Variants in UPF3B observed in about 807,000 individuals in gnomAD.
The protein encoded by UPF3B is UPF3B regulator of nonsense mediated mRNA decay, also known as regulator of nonsense transcripts 3B.
Under a neutral mutation model 40.3 loss-of-function variants are expected in UPF3B, and 7 were observed. That is an observed-to-expected ratio of 0.17 (90% confidence interval 0.10 to 0.33). The LOEUF is 0.33. Among genes scored for constraint, UPF3B ranks in the 10% least tolerant of loss-of-function variants. The pLI, the probability that UPF3B is intolerant of heterozygous loss-of-function variation, is 1.00. For missense variants in UPF3B, 229 were observed against 358.9 expected (o/e 0.64, Z 2.93); for synonymous variants, 117 against 117.3 (o/e 1.00, Z 0.01).
chrX:119,813,024 T>G (rs973017409), intron 5 of UPF3B, among the ~76,000 whole-genome samples: 5 of 111,658 alleles, frequency 4.5e-5, no homozygotes, highest in Non-Finnish European at 9.4e-5. Flanking sequence ...TCATTTACTT[T>G]CAGTCATTAT....
chrX:119,831,307 C>G (rs1220548562), downstream of UPF3B, among the ~76,000 whole-genome samples: 1 of 108,130 alleles, frequency 9.2e-6, no homozygotes, highest in Non-Finnish European at 1.9e-5. Context: ...TTATCACACA[C>G]CTCTCCTCCT....
downstream of UPF3B, among the ~76,000 whole-genome samples, chrX:119,831,500 G>A (rs1202159135): frequency 9.0e-6 from 1 of 111,060 alleles, no homozygotes; most frequent in Non-Finnish European, 1.9e-5. Flanking sequence ...TGTATTTTTA[G>A]TAGAGACTGA....
chrX:119,851,764 T>TTTTTTTTTTTTTTAAA lies in UPF3B; in HGVS notation c.263+2_263+3insTTTAAAAAAAAAAAAA. 2.1e-6 allele frequency: 2 copies of TTTTTTTTTTTTTTAAA among 968,478 alleles called. No homozygotes were observed. Among genetic ancestry groups the TTTTTTTTTTTTTTAAA allele is most frequent in the East Asian group, 3.2e-5 (1 of 30,947 alleles). The allele number at this position is 968,478 out of a possible 1,213,427, so 79.8% of individuals were successfully genotyped here. A position where few individuals can be genotyped will look rare whatever the true frequency, so the allele number is the denominator to read the frequency against. ...ACCCCTTTCCTTTTTTTTTTTTTTT[T>TTTTTTTTTTTTTTAAA]ACCTCGTATCATTAGAAAAAAACTC... is the stretch of plus-strand genomic sequence containing the variant. On this transcript the variant is annotated splice_region_variant and intron_variant, in intron 2 of 10. Transcript: ENST00000276201.
At chrX:119,844,477 A>G (rs749122907) in intron 4 of UPF3B, among the ~76,000 whole-genome samples, 3 of 112,370 alleles carry the variant, frequency 2.7e-5, no homozygotes, top group Non-Finnish European at 5.6e-5. Flanking sequence ...AAATTTTCCC[A>G]TGACAGTTCA....
chrX:119,845,091 T>C lies in UPF3B; in HGVS notation c.469+107A>G, dbSNP rs577736095. On this transcript the variant is annotated intron_variant, in intron 4 of 10. Coordinates refer to ENST00000276201, the MANE Select transcript of UPF3B (RefSeq NM_080632.3). ...AATAACATTTCTCACTTACTTTATT[T>C]TGTATATTTTCTAATTTAAAATTTT... 8.1e-6 allele frequency: 5 copies of C among 614,431 alleles called. No individual in the cohort carries two copies. The South Asian group carries it at 1.2e-4, about 15-fold the overall frequency. 50.6% of individuals were successfully genotyped at this position (614,431 alleles called of 1,213,427 possible).
rs55712755 is a variant in UPF3B at position 119,851,748 on chromosome X, CTT to C, written c.263+17_263+18del. The C allele has an allele frequency of 0.057, 28,730 of 503,507 alleles. 2 individuals are homozygous for C. The highest frequency in any genetic ancestry group is 0.065 in the Non-Finnish European group (23,982 of 367,271). The allele number at this position is 503,507 out of a possible 1,213,427, so 41.5% of individuals were successfully genotyped here. ...GAAACCTTTTTCATTTACCCCTTTC[CTT>C]TTTTTTTTTTTTTTACCTCGTATCA... On this transcript the variant is annotated intron_variant, in intron 2 of 10. Transcript: ENST00000276201.
chrX:119,807,898 G>A (rs932038050), intron 5 of UPF3B, among the ~76,000 whole-genome samples: 3 of 111,664 alleles, frequency 2.7e-5, no homozygotes, highest in African/African-American at 9.7e-5. Context: ...AGACTCAAGC[G>A]ATCCTCCCAC....
chrX:119,832,660 G>A (rs2056049147), downstream of UPF3B, among the ~76,000 whole-genome samples: 1 of 111,121 alleles, frequency 9.0e-6, no homozygotes, highest in African/African-American at 3.3e-5. Flanking sequence ...TGGCTACCTT[G>A]AATAATGATA....
chrX:119,848,122 G>A (rs2496218), intron 3 of UPF3B, among the ~76,000 whole-genome samples: 5,350 of 107,185 alleles, frequency 0.05, 308 homozygotes, highest in African/African-American at 0.17. Context: ...TTTACCAAAA[G>A]TACAAAAAAA....
In UPF3B at chrX:119,834,998, T is replaced by C; in HGVS notation, c.1332A>G (p.Pro444=). ...AGAGTCGATTTCGGCTTCGAGCTCC[T>C]GGTTGGTAAAGCTGCATCGCTGGAC... is the stretch of plus-strand genomic sequence containing the variant. ...KDRPAMQLYQ[P]GARSRNRLCP... Residue 444 remains proline, a synonymous_variant, in exon 11 of 11, where the codon CCA becomes CCG. Coordinates refer to ENST00000276201, the MANE Select transcript of UPF3B (RefSeq NM_080632.3). 3.3e-6 allele frequency: 4 copies of C among 1,198,351 alleles called. No homozygotes were observed. The highest frequency in any genetic ancestry group is 4.5e-6 in the Non-Finnish European group (4 of 885,863).
Position 119,834,824 on chromosome X carries a change from C to A in UPF3B, c.*54G>T, listed in dbSNP as rs1159669185. The A allele has an allele frequency of 8.3e-7, 1 of 1,208,628 alleles. No homozygotes were observed. Among genetic ancestry groups the A allele is most frequent in the Non-Finnish European group, 1.1e-6 (1 of 895,181 alleles). On this transcript the variant is annotated 3_prime_UTR_variant, in exon 11 of 11. Coordinates refer to ENST00000276201, the MANE Select transcript of UPF3B (RefSeq NM_080632.3). ...CTGAAGGCACCTCTGGATTGCTTAA[C>A]GTGTGCTCTTTGGCTGCCTAGACAG... is the stretch of plus-strand genomic sequence containing the variant.
At chrX:119,827,215 C>A (rs2055987515) in intron 3 of UPF3B, among the ~76,000 whole-genome samples, 1 of 111,208 alleles carries the variant, frequency 9.0e-6, no homozygotes, top group Non-Finnish European at 1.9e-5. Flanking sequence ...GCAACCATTT[C>A]TCTTCAGTAA....
intron 3 of UPF3B, among the ~76,000 whole-genome samples, chrX:119,826,387 C>A (rs1483292978): frequency 9.1e-6 from 1 of 110,295 alleles, no homozygotes; most frequent in African/African-American, 3.3e-5. Flanking sequence ...GAGGCTGAGG[C>A]AGGAGAATAG....
chrX:119,838,424 T>C lies in UPF3B; in HGVS notation c.950A>G (p.Gln317Arg). 6 of 1,212,262 alleles carry C rather than the reference T, an allele frequency of 4.9e-6. No homozygotes were observed. The highest frequency in any genetic ancestry group is 6.7e-6 in the Non-Finnish European group (6 of 895,543). Residue 317 changes from glutamine to arginine, a missense_variant, in exon 9 of 11, where the codon CAA (glutamine) becomes CGA (arginine). Gln to Arg is a conservative substitution (Grantham distance 43). Around this residue, in one of 3 missense-constraint regions of UPF3B, gnomAD observed 119 missense variants for 153.8 expected, o/e 0.77. Transcript: ENST00000276201. ...ENLSDERASG[Q>R]SCTLPKRSDS... ...AGAACGCTTGGGCAATGTACAACTT[T>C]GCCCACTGGCTCTTTCATCACTGAG...
At chrX:119,823,604 C>T (rs2055947845) in intron 3 of UPF3B, among the ~76,000 whole-genome samples, 1 of 98,923 alleles carries the variant, frequency 1.0e-5, no homozygotes, top group Admixed American at 1.1e-4. Flanking sequence ...TGCTCTGTTG[C>T]CCAGACTGGA....
intron 5 of UPF3B, among the ~76,000 whole-genome samples, chrX:119,813,125 G>T (rs1041522600): frequency 9.8e-5 from 11 of 111,888 alleles, no homozygotes; most frequent in African/African-American, 3.6e-4. Context: ...GCGAACTGAT[G>T]CCACGTCAGG....
chrX:119,807,756 A>G (rs990975571), intron 5 of UPF3B, among the ~76,000 whole-genome samples: 1 of 111,495 alleles, frequency 9.0e-6, no homozygotes. Context: ...CTCCAAAGAA[A>G]AGCAACCATT....
chrX:119,847,930 C>T (rs2056255044), intron 3 of UPF3B, among the ~76,000 whole-genome samples: 1 of 110,678 alleles, frequency 9.0e-6, no homozygotes, highest in African/African-American at 3.3e-5. Flanking sequence ...TCGAATACCC[C>T]TTGACAGATG....
At chrX:119,816,822 T>TA (rs2055869320) in intron 4 of UPF3B, among the ~76,000 whole-genome samples, 1 of 111,854 alleles carries the variant, frequency 8.9e-6, no homozygotes, top group East Asian at 2.8e-4. Flanking sequence ...ATATTTAAAA[T>TA]AAAGCTTCAT....
Sources: allele counts gnomAD v4.1 joint callset (sites outside exome capture counted in the v4.1 genomes callset), GRCh38; gene constraint gnomAD v4.1.1; regional missense constraint gnomAD v4.1.1; transcripts MANE v1.5; gene names NCBI Gene and HGNC (gene_info 2026-07-23, HGNC 2026-07-21).